SGCD: variants seen among roughly 807,000 people sequenced by gnomAD.
SGCD encodes delta-sarcoglycan.
A neutral mutation model predicts 36.6 loss-of-function variants in SGCD; 18 were observed. The ratio of observed to expected loss-of-function variants is 0.49; its 90% CI spans 0.34 to 0.73. The LOEUF (loss-of-function observed/expected upper bound fraction) is 0.73, where lower values mean the gene tolerates loss of function less well. Ranked by LOEUF, SGCD falls within the 30% of genes least tolerant of loss-of-function variation. The probability of loss-of-function intolerance (pLI) is 0.01; values close to 1 mark genes in which losing one functional copy is unlikely to be tolerated. For missense variants in SGCD, 387 were observed against 346.7 expected (o/e 1.12, Z -0.92); for synonymous variants, 133 against 130.6 (o/e 1.02, Z -0.12).
At chr5:156,460,909 A>G (rs980532658) in intron 3 of SGCD, among the ~76,000 whole-genome samples, 2 of 152,192 alleles carry the variant, frequency 1.3e-5, no homozygotes, top group African/African-American at 4.8e-5. Flanking sequence ...TCAAGAAGTT[A>G]ATAGAATACA....
At chr5:156,246,442 A>AT (rs895193721) in intron 3 of SGCD, among the ~76,000 whole-genome samples, 48 of 150,188 alleles carry the variant, frequency 3.2e-4, no homozygotes, top group South Asian at 6.3e-4. Flanking sequence ...AAGGTTATAG[A>AT]TTTTTTTTTT....
intron 7 of SGCD, among the ~76,000 whole-genome samples, chr5:156,742,046 T>C (rs1756704133): frequency 6.6e-6 from 1 of 152,108 alleles, no homozygotes; most frequent in African/African-American, 2.4e-5. Flanking sequence ...TGGCTAATTT[T>C]TTGTATTTTT....
chr5:155,945,453 G>A (rs950090285), intron 1 of SGCD, among the ~76,000 whole-genome samples: 1 of 152,172 alleles, frequency 6.6e-6, no homozygotes, highest in African/African-American at 2.4e-5. Context: ...CAGTGTAATG[G>A]GGAAGACAAA....
chr5:155,870,023 AAC>A (rs1755601740), upstream of SGCD, among the ~76,000 whole-genome samples: 1 of 152,072 alleles, frequency 6.6e-6, no homozygotes, highest in Non-Finnish European at 1.5e-5. Context: ...CAACAACAAC[AAC>A]AAAAAGGGAA....
intron 7 of SGCD, among the ~76,000 whole-genome samples, chr5:156,650,557 C>T (rs1484501677): frequency 1.3e-5 from 2 of 152,082 alleles, no homozygotes; most frequent in Non-Finnish European, 2.9e-5. Flanking sequence ...GTATCCAGTG[C>T]TCAGCTCCCA....
At chr5:156,001,809 C>T (rs371750376) in intron 1 of SGCD, among the ~76,000 whole-genome samples, 225 of 152,268 alleles carry the variant, frequency 1.5e-3, no homozygotes, top group African/African-American at 5.3e-3. Context: ...AGGACTCGGG[C>T]GGAGCCCCAG....
chr5:156,620,812 G>A (rs1181745171), intron 6 of SGCD, among the ~76,000 whole-genome samples: 1 of 152,200 alleles, frequency 6.6e-6, no homozygotes, highest in African/African-American at 2.4e-5. Flanking sequence ...CTTTCCCAAA[G>A]ACTGAATTAA....
intron 2 of SGCD, among the ~76,000 whole-genome samples, chr5:156,122,658 A>T (rs1047895575): frequency 6.6e-6 from 1 of 151,656 alleles, no homozygotes; most frequent in Non-Finnish European, 1.5e-5. Context: ...ATCAAGCAGG[A>T]TCTTTATGGC....
At chr5:155,897,999 A>G (rs1253655672) in intron 1 of SGCD, among the ~76,000 whole-genome samples, 2 of 152,218 alleles carry the variant, frequency 1.3e-5, no homozygotes, top group African/African-American at 4.8e-5. Context: ...CAAAGTCTGG[A>G]TGGATTAACG....
rs149921660 is a variant in SGCD at position 156,159,660 on chromosome 5, T to C, written c.-44+35641T>C. Among the ~76,000 whole-genome samples the C allele has an allele frequency of 3.4e-3, 514 of 151,760 alleles. 2 individuals carry two copies. The highest frequency in any genetic ancestry group is 5.7e-3 in the Non-Finnish European group (389 of 67,948). ...AGAATAAACATTGGATAAATAAAAT[T>C]CATGAAATATAGAAAAGTATCTACA... On this transcript the variant is annotated intron_variant, in intron 3 of 9. Coordinates refer to the SGCD transcript ENST00000517913.
Position 156,182,360 on chromosome 5 carries a change from G to A in SGCD, c.-44+58341G>A, listed in dbSNP as rs548917389. On this transcript the variant is annotated intron_variant, in intron 3 of 9. Transcript: ENST00000517913. ...TAATCCCAACACTTGGGAGGCCAAG[G>A]TGGGTGGATCACTTGAGTCCAGGAG... 3.9e-5 allele frequency among the ~76,000 whole-genome samples: 6 copies of A among 152,328 alleles called. No homozygotes were observed. In the South Asian group the frequency reaches 1.0e-3, roughly 26 times the overall value.
chr5:156,564,185 C>T (rs1313351538), intron 4 of SGCD, among the ~76,000 whole-genome samples: 1 of 152,214 alleles, frequency 6.6e-6, no homozygotes, highest in Non-Finnish European at 1.5e-5. Flanking sequence ...CGCAGTGGCT[C>T]ATGCCTGTAA....
intron 3 of SGCD, among the ~76,000 whole-genome samples, chr5:156,391,837 T>C (rs1771587887): frequency 6.6e-6 from 1 of 152,210 alleles, no homozygotes; most frequent in African/African-American, 2.4e-5. Context: ...TCTAATATTT[T>C]CTTTTTTGTT....
intron 1 of SGCD, among the ~76,000 whole-genome samples, chr5:156,108,813 A>G (rs533812064): frequency 2.7e-4 from 41 of 152,298 alleles, no homozygotes; most frequent in African/African-American, 9.9e-4. Context: ...GAGTTAAGCC[A>G]GCACCAATGC....
At chr5:156,593,731 C>T (rs1039323058) in intron 5 of SGCD, among the ~76,000 whole-genome samples, 1 of 152,138 alleles carries the variant, frequency 6.6e-6, no homozygotes, top group Non-Finnish European at 1.5e-5. Flanking sequence ...TCCCTCACTG[C>T]AATGAGTAAT....
rs1213346545 is a variant in SGCD at position 156,764,356 on chromosome 5, T to C, written c.*4966T>C. The C allele has an allele frequency of 6.6e-6, 1 of 152,630 alleles. No individual in the cohort carries two copies. The highest frequency in any genetic ancestry group is 1.5e-5 in the Non-Finnish European group (1 of 68,040). 9.5% of individuals were successfully genotyped at this position (152,630 alleles called of 1,614,324 possible). A position where few individuals can be genotyped will look rare whatever the true frequency, so the allele number is the denominator to read the frequency against. On this transcript the variant is annotated 3_prime_UTR_variant, in exon 9 of 9. Transcript: ENST00000337851. ...TTAAAATTATACAGTTGCCTCTGAATTTCTCATGCACAAAGCCAAACCACT... is the reference window on the plus strand; with the variant it reads ...TTAAAATTATACAGTTGCCTCTGAACTTCTCATGCACAAAGCCAAACCACT...
At chr5:155,903,951 G>C (rs543997116) in intron 1 of SGCD, among the ~76,000 whole-genome samples, 2 of 152,264 alleles carry the variant, frequency 1.3e-5, no homozygotes, top group East Asian at 3.9e-4. Flanking sequence ...GTGTCAGAAG[G>C]TCTTTTACAG....
At chr5:156,108,155 T>A (rs1761694537) in intron 1 of SGCD, among the ~76,000 whole-genome samples, 1 of 152,138 alleles carries the variant, frequency 6.6e-6, no homozygotes, top group African/African-American at 2.4e-5. Context: ...CCAATTTTTA[T>A]GCCAGAAAAC....
chr5:156,069,638 T>A (rs899819213), intron 1 of SGCD, among the ~76,000 whole-genome samples: 1 of 151,994 alleles, frequency 6.6e-6, no homozygotes, highest in African/African-American at 2.4e-5. Context: ...AACTTTAAAG[T>A]AGTTTTTTCC....
Sources: allele counts gnomAD v4.1 joint callset (sites outside exome capture counted in the v4.1 genomes callset), GRCh38; gene constraint gnomAD v4.1.1; transcripts MANE v1.5; gene names NCBI Gene and HGNC (gene_info 2026-07-23, HGNC 2026-07-21).